The following PAX8 variants were observed in gnomAD, a reference collection of about 807,000 sequenced individuals.
PAX8 encodes paired box 8, also known as paired box protein Pax-8.
Under a neutral mutation model 52.4 loss-of-function variants are expected in PAX8, and 15 were observed. The ratio of observed to expected loss-of-function variants is 0.29; its 90% CI spans 0.19 to 0.44. The LOEUF (loss-of-function observed/expected upper bound fraction) is 0.44. Among genes scored for constraint, PAX8 ranks in the 20% least tolerant of loss-of-function variants. PAX8 has a pLI of 1.00. For missense variants in PAX8, 554 were observed against 602.5 expected (o/e 0.92, Z 0.84); for synonymous variants, 284 against 249.7 (o/e 1.14, Z -1.29).
chr2:113,235,918 C>T (rs1690260234), intron 8 of PAX8: 1 of 336,404 alleles, frequency 3.0e-6, no homozygotes, highest in Non-Finnish European at 5.5e-6. Flanking sequence ...CGGCCTAGGA[C>T]CGGAGGCGCG....
intron 10 of PAX8, chr2:113,225,991 A>T: frequency 1.0e-6 from 1 of 985,574 alleles, no homozygotes; most frequent in Non-Finnish European, 1.2e-6. Flanking sequence ...CAGAGGAGTC[A>T]GTATTCTGTA....
intron 10 of PAX8, chr2:113,226,204 G>T (rs1460354963): frequency 1.0e-6 from 1 of 985,324 alleles, no homozygotes; most frequent in Non-Finnish European, 1.2e-6. Flanking sequence ...TGCCGGCAAG[G>T]AAGGGAAGCA....
chr2:113,236,839 C>CTCCCCA lies in PAX8; in HGVS notation c.778-119_778-118insTGGGGA, dbSNP rs1553413277. The CTCCCCA allele has an allele frequency of 4.7e-4, 567 of 1,218,998 alleles. 4 individuals carry two copies. The highest frequency in any genetic ancestry group is 9.2e-5 in the Non-Finnish European group (82 of 889,694). 75.5% of individuals were successfully genotyped at this position (1,218,998 alleles called of 1,614,324 possible). Reference sequence around the variant, plus strand: ...TCATCTCCCCAGGAGAGGTCCTCATCGCCCCCTTCTTCCTTTACGTTCTCA... The same window carrying CTCCCCA: ...TCATCTCCCCAGGAGAGGTCCTCATCTCCCCAGCCCCCTTCTTCCTTTACGTTCTCA... On this transcript the variant is annotated intron_variant, in intron 7 of 11. Coordinates refer to ENST00000429538, the MANE Select transcript of PAX8 (RefSeq NM_003466.4).
Position 113,246,806 on chromosome 2 carries a change from T to C in PAX8, c.139A>G (p.Ile47Val). The C allele has an allele frequency of 6.2e-7, 1 of 1,614,122 alleles. No individual in the cohort carries two copies. Among genetic ancestry groups the C allele is most frequent in the Non-Finnish European group, 8.5e-7 (1 of 1,179,952 alleles). The change falls in exon 3 of 12, where the codon ATC (isoleucine) becomes GTC (valine). Residue 47 changes from isoleucine (I) to valine (V), a missense_variant. Transcript: ENST00000429538. Reference protein sequence around the residue: ...LAHQGVRPCDISRQLRVSHGC... With the variant: ...LAHQGVRPCDVSRQLRVSHGC... ...TGGCTGACGCGGAGCTGGCGAGAGATGTCGCAGGGCCTTACACCCTGGTGG... is the reference window on the plus strand; with the variant it reads ...TGGCTGACGCGGAGCTGGCGAGAGACGTCGCAGGGCCTTACACCCTGGTGG...
chr2:113,241,170 C>T, intron 7 of PAX8: 4 of 374,966 alleles, frequency 1.1e-5, no homozygotes, highest in Admixed American at 3.8e-5. Context: ...GGATGAGTGG[C>T]CAAAGGTGGG....
chr2:113,220,568 A>G (rs1038068175), intron 10 of PAX8: 4 of 189,546 alleles, frequency 2.1e-5, no homozygotes, highest in Non-Finnish European at 4.5e-5. Context: ...TGTAGGGCCC[A>G]GGGACTAACT....
chr2:113,255,357 T>G (rs1254856251), intron 2 of PAX8: 1 of 150,512 alleles, frequency 6.6e-6, no homozygotes, highest in Non-Finnish European at 1.5e-5. Flanking sequence ...GCCCACACCT[T>G]CTTTGCCTTA....
intron 10 of PAX8, 182 bp downstream of exon 10, chr2:113,226,973 T>G (rs1176166873): frequency 1.1e-5 from 16 of 1,511,426 alleles, no homozygotes; most frequent in African/African-American, 1.4e-5. Flanking sequence ...AAATAGGGAG[T>G]CAGGACTGCA....
intron 9 of PAX8, chr2:113,230,717 T>G (rs1451951826): frequency 2.6e-5 from 4 of 152,230 alleles, no homozygotes; most frequent in Non-Finnish European, 5.9e-5. Flanking sequence ...AATGCATAGT[T>G]TCTTCCAAAA....
chr2:113,267,902 G>C (rs759120410), intron 2 of PAX8: 9 of 152,238 alleles, frequency 5.9e-5, no homozygotes, highest in Non-Finnish European at 8.8e-5. Context: ...GTGTGTAACT[G>C]GGTATGACTG....
chr2:113,243,929 A>T (rs888976906), intron 4 of PAX8, among the ~76,000 whole-genome samples: 3 of 152,296 alleles, frequency 2.0e-5, no homozygotes, highest in African/African-American at 7.2e-5. Flanking sequence ...TTCTCATTAG[A>T]CTGTAAGCTC....
At chr2:113,238,512 G>GA (rs1297519192) in intron 7 of PAX8, 1 of 152,316 alleles carries the variant, frequency 6.6e-6, no homozygotes, top group Non-Finnish European at 1.5e-5. Flanking sequence ...AAGTAACTTA[G>GA]AAAAAAAGGA....
At chr2:113,225,966 C>T (rs1030143326) in intron 10 of PAX8, 52 of 984,348 alleles carry the variant, frequency 5.3e-5, no homozygotes, top group African/African-American at 1.2e-4. Flanking sequence ...GGAGGGAGTC[C>T]GGGGCCAGGA....
chr2:113,218,678 C>T, intron 11 of PAX8, 69 bp from the exon 12 acceptor site: 1 of 941,324 alleles, frequency 1.1e-6, no homozygotes. Context: ...ATAGCCTTCC[C>T]TGCATCTGCT....
chr2:113,243,159 C>T (rs1011370587), intron 4 of PAX8, among the ~76,000 whole-genome samples: 1 of 152,206 alleles, frequency 6.6e-6, no homozygotes, highest in Admixed American at 6.5e-5. Context: ...CACTCAGTGG[C>T]CCACGCCCAT....
In PAX8 at chr2:113,217,337, C is replaced by T. The variant is rs1417496068; in HGVS notation, c.*1196G>A. 8.9e-6 allele frequency: 2 copies of T among 225,380 alleles called. No homozygotes were observed. Among genetic ancestry groups the T allele is most frequent in the Non-Finnish European group, 1.8e-5 (2 of 112,944 alleles). The allele number at this position is 225,380 out of a possible 1,614,324, so 14.0% of individuals were successfully genotyped here. A position where few individuals can be genotyped will look rare whatever the true frequency, so the allele number is the denominator to read the frequency against. ...AAGCCCAGCCCCGGGATGCCTCCTT[C>T]CCCAGCCAACCCCAAAGCCTGAGAT... On this transcript the variant is annotated 3_prime_UTR_variant, in exon 12 of 12. Transcript: ENST00000429538.
chr2:113,236,158 G>A, intron 8 of PAX8: 1 of 149,172 alleles, frequency 6.7e-6, no homozygotes, highest in African/African-American at 3.1e-5. Flanking sequence ...GCGACCCCTG[G>A]GCCCACCTTG....
chr2:113,244,340 C>T (rs1257697737), intron 4 of PAX8, 87 bp downstream of exon 4: 1 of 1,053,446 alleles, frequency 9.5e-7, no homozygotes. Context: ...CTCTGCTCCA[C>T]CCAAGCCAGG....
chr2:113,236,369 GCGACCCC>G, intron 8 of PAX8: 2 of 342,732 alleles, frequency 5.8e-6, no homozygotes, highest in Middle Eastern at 8.0e-4. Context: ...GACCGGAGGC[GCGACCCC>G]TGGGCCCACC....
Sources: gnomAD v4.1 joint callset for allele counts (sites outside exome capture counted in the v4.1 genomes callset) on GRCh38, gnomAD v4.1.1 for gene constraint, MANE v1.5 for transcripts, NCBI Gene and HGNC (gene_info 2026-07-23, HGNC 2026-07-21) for gene names.